TOPBP1: variants seen among roughly 807,000 people sequenced by gnomAD.
The protein encoded by TOPBP1 is DNA topoisomerase II binding protein 1.
Under a neutral mutation model 167.7 loss-of-function variants are expected in TOPBP1, and 28 were observed. That is an observed-to-expected ratio of 0.17 (90% CI 0.12 to 0.23). The LOEUF is 0.23. TOPBP1 is among the 10% of genes least tolerant of loss of function. The probability of loss-of-function intolerance (pLI) is 1.00; values close to 1 mark genes in which losing one functional copy is unlikely to be tolerated. For synonymous variants in TOPBP1, 598 were observed against 611.4 expected, an observed-to-expected ratio of 0.98 and a Z score of 0.32; for missense variants, 1,554 against 1,809.6, an observed-to-expected ratio of 0.86 and a Z score of 2.56.
At chr3:133,605,564 TATAAAAGTTAACCCCAATTAATGATGAA>T (rs1454653462) in intron 27 of TOPBP1, among the ~76,000 whole-genome samples, 1 of 152,106 alleles carries the variant, frequency 6.6e-6, no homozygotes, top group African/African-American at 2.4e-5. Context: ...AAAGACATTT[TATAAAAGTTAACCCCAATTAATGATGAA>T]AAAGAAATCT....
rs760344240 is a variant in TOPBP1, at chr3:133,640,020, A to G, written c.2172T>C (p.Thr724=). ...PAVTIAWLLE[T]ARTGKRADES... is the part of the protein sequence containing the mutation. ...CGTCTGCTCTCTTTCCCGTTCTAGC[A>G]GTCTCCAACAGCCAAGCTATAGTAA... Residue 724 remains threonine (T), a synonymous_variant, in exon 13 of 28, where the codon ACT becomes ACC. Coordinates refer to ENST00000260810, the MANE Select transcript of TOPBP1 (RefSeq NM_007027.4). 6 of 1,613,946 alleles carry G rather than the reference A, an allele frequency of 3.7e-6. No homozygotes were observed. Among genetic ancestry groups the G allele is most frequent in the Non-Finnish European group, 4.2e-6 (5 of 1,179,862 alleles).
rs567446679 is a variant in TOPBP1 at position 133,628,750 on chromosome 3, G to A, written c.2521-17C>T. 48 of 1,549,292 alleles carry A rather than the reference G, an allele frequency of 3.1e-5. No homozygotes were observed. The African/African-American group carries it at 5.8e-4, about 19-fold the overall frequency. The stretch of plus-strand genomic sequence containing the variant: ...AAGTGCATCCTATACATATGAAGGA[G>A]AGAGAGAGATGGAGAAAAGAAGAGA... On this transcript the variant is annotated splice_polypyrimidine_tract_variant and intron_variant, in intron 14 of 27. Transcript: ENST00000260810.
chr3:133,648,837 G>A lies in TOPBP1; in HGVS notation c.1504+546C>T, dbSNP rs117696257. 4.1e-4 allele frequency among the ~76,000 whole-genome samples: 62 copies of A among 151,932 alleles called. No homozygotes were observed. The East Asian group carries it at 0.011, about 27-fold the overall frequency. The stretch of plus-strand genomic sequence containing the variant: ...GTTTTCTAAGGTTCTTGTTTTATTC[G>A]AGGTAGATTAAAATTCTGATTAACT... On this transcript the variant is annotated intron_variant, in intron 10 of 27. Transcript: ENST00000260810.
At chr3:133,640,457 C>T (rs967770345) in intron 12 of TOPBP1, among the ~76,000 whole-genome samples, 4 of 152,188 alleles carry the variant, frequency 2.6e-5, no homozygotes, top group Admixed American at 2.0e-4. Flanking sequence ...GTTGTCCAGA[C>T]TGGAGTGCAG....
rs1168851946 is a variant in TOPBP1, at chr3:133,612,544, C to A, written c.3880G>T (p.Val1294Leu). ...GGATCAAAGCACTGCTTTTCTATCA[C>A]CAATCCACCTTAAGCAGAGAAAAAT... Reference protein sequence around the residue: ...CHLIEKLGGLVIEKQCFDPTC... With the variant: ...CHLIEKLGGLLIEKQCFDPTC... Residue 1294 changes from valine (V) to leucine (L), a missense_variant, in exon 24 of 28, where the codon GTG becomes TTG. Transcript: ENST00000260810. 7.4e-6 allele frequency: 12 copies of A among 1,612,612 alleles called. No individual in the cohort carries two copies. The highest frequency in any genetic ancestry group is 1.7e-5 in the Admixed American group (1 of 59,804).
intron 27 of TOPBP1, among the ~76,000 whole-genome samples, chr3:133,605,684 C>T (rs113424396): frequency 2.2e-4 from 34 of 152,224 alleles, no homozygotes; most frequent in African/African-American, 7.9e-4. Flanking sequence ...AAATATTGAA[C>T]ACTTTCCACC....
At position 133,631,110 on chromosome 3, in the gene TOPBP1, G is replaced by T. The variant is rs1214507882; in HGVS notation, c.2521-2377C>A. On this transcript the variant is annotated intron_variant, in intron 14 of 27. Coordinates refer to ENST00000260810, the MANE Select transcript of TOPBP1 (RefSeq NM_007027.4). ...AGGCTGAGGTGGGAGGACTGCTTGA[G>T]CCCAGGAGGTCAAAGCTGCAGTGAG... 2.6e-5 allele frequency among the ~76,000 whole-genome samples: 4 copies of T among 152,138 alleles called. No individual in the cohort carries two copies. In the East Asian group the frequency reaches 7.7e-4, roughly 29 times the overall value.
At chr3:133,606,894 CAA>C (rs1031672090) in intron 27 of TOPBP1, among the ~76,000 whole-genome samples, 46 of 151,618 alleles carry the variant, frequency 3.0e-4, no homozygotes, top group Admixed American at 2.7e-3. Flanking sequence ...AAAGCTAAAA[CAA>C]TAACTTTTTA....
In TOPBP1 at chr3:133,620,212, G is replaced by C; in HGVS notation, c.3314C>G (p.Thr1105Ser). The change falls in exon 20 of 28, where the codon ACC becomes AGC. Residue 1105 changes from threonine to serine, a missense_variant. Coordinates refer to ENST00000260810, the MANE Select transcript of TOPBP1 (RefSeq NM_007027.4). ...GCGAGCAGAGCGAGTGCTGTCAGGG[G>C]TTGAAGATGCGCTGTTACAACCACT... ...SRSGCNSASS[T>S]PDSTRSARSG... is the part of the protein sequence containing the mutation. 2 of 1,613,914 alleles carry C rather than the reference G, an allele frequency of 1.2e-6. No homozygotes were observed. Among genetic ancestry groups the C allele is most frequent in the South Asian group, 2.2e-5 (2 of 91,080 alleles).
At chr3:133,606,986 T>C (rs996207197) in intron 27 of TOPBP1, among the ~76,000 whole-genome samples, 4 of 152,152 alleles carry the variant, frequency 2.6e-5, no homozygotes, top group African/African-American at 9.7e-5. Flanking sequence ...AAGTGCTCGA[T>C]GTCATTAGTC....
intron 16 of TOPBP1, among the ~76,000 whole-genome samples, chr3:133,627,591 C>A (rs1406310487): frequency 6.6e-6 from 1 of 152,108 alleles, no homozygotes; most frequent in Non-Finnish European, 1.5e-5. Flanking sequence ...AGAAAACAAA[C>A]TGAAATAAGA....
intron 10 of TOPBP1, among the ~76,000 whole-genome samples, chr3:133,645,079 C>G: frequency 6.6e-6 from 1 of 152,292 alleles, no homozygotes; most frequent in East Asian, 1.9e-4. Flanking sequence ...AAACCAAAGT[C>G]TGTCTAACTC....
chr3:133,621,471 A>T (rs1935086567), intron 19 of TOPBP1, among the ~76,000 whole-genome samples: 1 of 152,220 alleles, frequency 6.6e-6, no homozygotes, highest in South Asian at 2.1e-4. Context: ...AAAAAATAAA[A>T]TATAACTATT....
At chr3:133,617,360 T>A (rs1576684249) in intron 21 of TOPBP1, 34 bp from the exon 22 acceptor site, 1 of 1,540,652 alleles carries the variant, frequency 6.5e-7, no homozygotes, top group East Asian at 2.3e-5. Flanking sequence ...TGTGACAGGA[T>A]CCAAATAAGA....
chr3:133,625,810 T>C (rs1271744394), intron 16 of TOPBP1, among the ~76,000 whole-genome samples: 2 of 152,182 alleles, frequency 1.3e-5, no homozygotes, highest in Admixed American at 1.3e-4. Context: ...CTCTATTTCC[T>C]ACTGACCATG....
rs200080685 is a variant in TOPBP1 at position 133,616,122 on chromosome 3, CT to C, written c.3871+691del. On this transcript the variant is annotated intron_variant, in intron 23 of 27. Transcript: ENST00000260810. ...TTCCACACTGAATTCTTTCTTTTCC[CT>C]TTTTTTTTTTTTTTGAGACAGAGTC... is the stretch of plus-strand genomic sequence containing the variant. Among the ~76,000 whole-genome samples, 800 of 141,204 alleles carry C rather than the reference CT, an allele frequency of 5.7e-3. 1 individual carries two copies. The highest frequency in any genetic ancestry group is 0.014 in the African/African-American group (528 of 38,446). The allele number at this position is 141,204 out of a possible 152,430, so 92.6% of individuals were successfully genotyped here. A position where few individuals can be genotyped will look rare whatever the true frequency, so the allele number is the denominator to read the frequency against.
chr3:133,635,418 A>G (rs1935633674), intron 14 of TOPBP1, among the ~76,000 whole-genome samples: 1 of 150,766 alleles, frequency 6.6e-6, no homozygotes, highest in Non-Finnish European at 1.5e-5. Context: ...AAGCCCAGCT[A>G]ATTAAAAAAA....
At chr3:133,621,031 A>T (rs115737301) in intron 19 of TOPBP1, among the ~76,000 whole-genome samples, 2,470 of 151,824 alleles carry the variant, frequency 0.016, 27 homozygotes, top group Middle Eastern at 0.031. Context: ...AATTTTTTAG[A>T]GACAGAGTCT....
Position 133,653,353 on chromosome 3 carries a change from G to C in TOPBP1, c.914C>G (p.Thr305Arg). ...NSSTPTSQINTIDSRTLSDVS... is the reference protein window; with the variant it reads ...NSSTPTSQINRIDSRTLSDVS... The stretch of plus-strand genomic sequence containing the variant: ...ATCTCAATGAGACTCACTATCAATT[G>C]TGTTGATCTGGCTGGTAGGAGTTGA... The change falls in exon 7 of 28, where the codon ACA becomes AGA. Residue 305 changes from threonine to arginine, a missense_variant. Thr to Arg is a moderately conservative substitution (Grantham distance 71, BLOSUM62 -1). Around this residue, in one of 3 missense-constraint regions of TOPBP1, gnomAD observed 1,197 missense variants for 1,351.5 expected, o/e 0.89. Coordinates refer to ENST00000260810, the MANE Select transcript of TOPBP1 (RefSeq NM_007027.4). 6.3e-7 allele frequency: 1 copy of C among 1,596,658 alleles called. No individual in the cohort carries two copies. Among genetic ancestry groups the C allele is most frequent in the Non-Finnish European group, 8.5e-7 (1 of 1,174,580 alleles).
Sources: allele counts gnomAD v4.1 joint callset (sites outside exome capture counted in the v4.1 genomes callset), GRCh38; gene constraint gnomAD v4.1.1; regional missense constraint gnomAD v4.1.1; transcripts MANE v1.5; gene names NCBI Gene and HGNC (gene_info 2026-07-23, HGNC 2026-07-21).